KCNIP4: variants seen among roughly 807,000 people sequenced by gnomAD.
The protein encoded by KCNIP4 is potassium voltage-gated channel interacting protein 4.
In KCNIP4, 12 loss-of-function variants were observed where a neutral mutation model predicts 34.0. That is an observed-to-expected ratio of 0.35 (90% CI 0.23 to 0.57). KCNIP4 has a LOEUF of 0.57. Among genes scored for constraint, KCNIP4 ranks in the 20% least tolerant of loss-of-function variants. The pLI, the probability that KCNIP4 is intolerant of heterozygous loss-of-function variation, is 0.83. For missense variants in KCNIP4, 238 were observed against 311.7 expected, an observed-to-expected ratio of 0.76 and a Z score of 1.78; for synonymous variants, 124 against 102.2, an observed-to-expected ratio of 1.21 and a Z score of -1.29.
chr4:21,247,759 T>TATATATATATATACAC (rs1366204923), intron 1 of KCNIP4, among the ~76,000 whole-genome samples: 78 of 119,990 alleles, frequency 6.5e-4, no homozygotes, highest in Non-Finnish European at 1.0e-3. Context: ...TATATATATA[T>TATATATATATATACAC]ACACCCCACA....
At chr4:21,755,320 G>A (rs1194712194) in intron 1 of KCNIP4, among the ~76,000 whole-genome samples, 2 of 152,124 alleles carry the variant, frequency 1.3e-5, no homozygotes, top group African/African-American at 4.8e-5. Flanking sequence ...TAAATGTAAC[G>A]TTTCTGGCAA....
chr4:21,870,143 T>G (rs1200280009), intron 1 of KCNIP4, among the ~76,000 whole-genome samples: 1 of 152,174 alleles, frequency 6.6e-6, no homozygotes, highest in African/African-American at 2.4e-5. Context: ...CACCTTAGTG[T>G]GTCAGCATCT....
At chr4:21,492,087 T>C (rs938862686) in intron 1 of KCNIP4, among the ~76,000 whole-genome samples, 2 of 152,212 alleles carry the variant, frequency 1.3e-5, no homozygotes, top group African/African-American at 2.4e-5. Context: ...AGGTTTGTTT[T>C]ATAGTGGAAA....
At chr4:21,589,757 A>G (rs951787820) in intron 1 of KCNIP4, among the ~76,000 whole-genome samples, 1 of 151,922 alleles carries the variant, frequency 6.6e-6, no homozygotes, top group African/African-American at 2.4e-5. Context: ...CCCCCCTTCT[A>G]AGCTGTAAAT....
chr4:20,860,572 C>A (rs1722090087), intron 2 of KCNIP4, among the ~76,000 whole-genome samples: 1 of 152,140 alleles, frequency 6.6e-6, no homozygotes, highest in South Asian at 2.1e-4. Flanking sequence ...ATTCAGCCTG[C>A]TTGACTTATA....
At chr4:21,792,643 C>T (rs183561321) in intron 1 of KCNIP4, among the ~76,000 whole-genome samples, 73 of 152,314 alleles carry the variant, frequency 4.8e-4, no homozygotes, top group East Asian at 2.3e-3. Flanking sequence ...CTTGGTTTCA[C>T]AGCTGGGCAT....
intron 1 of KCNIP4, among the ~76,000 whole-genome samples, chr4:21,144,980 A>G (rs939170472): frequency 6.5e-4 from 28 of 43,140 alleles, no homozygotes; most frequent in African/African-American, 2.1e-3. Flanking sequence ...ATCTTTAGGG[A>G]AAAAAAAAAA....
chr4:21,124,053 A>AAC (rs1223251125), intron 1 of KCNIP4, among the ~76,000 whole-genome samples: 1 of 150,784 alleles, frequency 6.6e-6, no homozygotes, highest in African/African-American at 2.5e-5. Context: ...CAAAAAAAAA[A>AAC]CAACAAAAAA....
intron 1 of KCNIP4, among the ~76,000 whole-genome samples, chr4:21,913,973 A>G (rs1172603274): frequency 6.6e-6 from 1 of 152,108 alleles, no homozygotes; most frequent in Non-Finnish European, 1.5e-5. Flanking sequence ...AGATTTCAGG[A>G]ACCACACCCC....
At chr4:21,643,293 G>A (rs984470666) in intron 1 of KCNIP4, among the ~76,000 whole-genome samples, 4 of 152,170 alleles carry the variant, frequency 2.6e-5, no homozygotes, top group African/African-American at 9.7e-5. Context: ...AGAGGACATT[G>A]AGAAGAATAA....
At chr4:21,281,998 GCTAA>G (rs894522751) in intron 1 of KCNIP4, among the ~76,000 whole-genome samples, 1 of 152,152 alleles carries the variant, frequency 6.6e-6, no homozygotes, top group Non-Finnish European at 1.5e-5. Context: ...TGTTCACTTG[GCTAA>G]CTTCTAGAAT....
intron 1 of KCNIP4, among the ~76,000 whole-genome samples, chr4:21,240,702 T>G (rs1759745246): frequency 6.6e-6 from 1 of 152,174 alleles, no homozygotes; most frequent in South Asian, 2.1e-4. Flanking sequence ...GATGGCAGAT[T>G]GAACTGGAGA....
chr4:21,504,482 AG>A lies in KCNIP4; in HGVS notation c.61+444088del, dbSNP rs1560466994. Among the ~76,000 whole-genome samples the A allele has an allele frequency of 1.6e-3, 204 of 131,510 alleles. 5 individuals carry two copies. The highest frequency in any genetic ancestry group is 5.9e-3 in the African/African-American group (152 of 25,692). 86.3% of individuals were successfully genotyped at this position (131,510 alleles called of 152,430 possible). On this transcript the variant is annotated intron_variant, in intron 1 of 8. Transcript: ENST00000382152. ...CTCCAACTCAAAAAAAAAAAAAGAA[AG>A]AAAGAAAGAAAGAAAGAAAGAAAGG...
intron 3 of KCNIP4, among the ~76,000 whole-genome samples, chr4:20,829,587 A>AT (rs998514347): frequency 1.3e-5 from 2 of 151,940 alleles, no homozygotes; most frequent in African/African-American, 4.8e-5. Flanking sequence ...TCCTTGTAGG[A>AT]TTTTTTTCTA....
At chr4:21,779,930 C>CAA (rs10564487) in intron 1 of KCNIP4, among the ~76,000 whole-genome samples, 5 of 138,384 alleles carry the variant, frequency 3.6e-5, no homozygotes, top group African/African-American at 1.4e-4. Flanking sequence ...GATCCTGTCT[C>CAA]AAAAAAAAAA....
In KCNIP4 at chr4:21,235,745, A is replaced by T. The variant is rs559340164; in HGVS notation, c.62-353036T>A. 2.0e-5 allele frequency among the ~76,000 whole-genome samples: 3 copies of T among 152,342 alleles called. No homozygotes were observed. The South Asian group carries it at 6.2e-4, about 32-fold the overall frequency. ...TCTTTGGCTTAACAATATCACAGTG[A>T]CTGTCACATAGCAAGGGCTCAGTTA... On this transcript the variant is annotated intron_variant, in intron 1 of 8. Transcript: ENST00000382152.
chr4:21,465,625 G>A (rs1729854929), intron 1 of KCNIP4, among the ~76,000 whole-genome samples: 1 of 152,174 alleles, frequency 6.6e-6, no homozygotes, highest in Admixed American at 6.5e-5. Flanking sequence ...CTAGATATTG[G>A]ACATTGACTT....
At chr4:21,641,436 G>A (rs757306080) in intron 1 of KCNIP4, among the ~76,000 whole-genome samples, 40 of 152,198 alleles carry the variant, frequency 2.6e-4, no homozygotes, top group Non-Finnish European at 5.0e-4. Context: ...CCCGAGTAGT[G>A]CATCTAGTTG....
In KCNIP4 at chr4:21,390,958, T is replaced by C. The variant is rs184334325; in HGVS notation, c.62-508249A>G. 4.4e-3 allele frequency among the ~76,000 whole-genome samples: 673 copies of C among 152,312 alleles called. 7 individuals are homozygous for C. The highest frequency in any genetic ancestry group is 0.015 in the African/African-American group (635 of 41,566). ...GTGCATGAAGGTTCTAATTTCTCCA[T>C]ATACTTGCCAACATTTGTTATTATC... is the stretch of plus-strand genomic sequence containing the variant. On this transcript the variant is annotated intron_variant, in intron 1 of 8. Transcript: ENST00000382152.
Sources: allele counts gnomAD v4.1 joint callset (sites outside exome capture counted in the v4.1 genomes callset), GRCh38; gene constraint gnomAD v4.1.1; transcripts MANE v1.5; gene names NCBI Gene and HGNC (gene_info 2026-07-23, HGNC 2026-07-21).